TCF7L2: variants seen among roughly 807,000 people sequenced by gnomAD.
TCF7L2 encodes transcription factor 7 like 2.
TCF7L2 carries 23 observed loss-of-function variants against 77.9 expected under a neutral mutation model. That is an observed-to-expected ratio of 0.30 (90% CI 0.21 to 0.42). The LOEUF is 0.42. TCF7L2 is among the 10% of genes least tolerant of loss of function. TCF7L2 has a pLI of 1.00. For synonymous variants in TCF7L2, 413 were observed against 340.2 expected (o/e 1.21, Z -2.36); for missense variants, 654 against 793.1 (o/e 0.82, Z 2.11).
chr10:112,979,242 C>T (rs2040020758), intron 4 of TCF7L2, among the ~76,000 whole-genome samples: 1 of 152,108 alleles, frequency 6.6e-6, no homozygotes, highest in African/African-American at 2.4e-5. Flanking sequence ...GCACTCTTGC[C>T]TCAGTACCCA....
At chr10:113,018,396 C>T in intron 4 of TCF7L2, among the ~76,000 whole-genome samples, 1 of 150,566 alleles carries the variant, frequency 6.6e-6, no homozygotes, top group East Asian at 2.0e-4. Context: ...ATGAAAGGTT[C>T]CCCTCTAGCC....
chr10:113,095,720 T>C (rs1200045968), intron 5 of TCF7L2, among the ~76,000 whole-genome samples: 1 of 152,200 alleles, frequency 6.6e-6, no homozygotes, highest in Admixed American at 6.5e-5. Flanking sequence ...GCTATCCTTT[T>C]CATTTTGTAT....
chr10:113,054,800 A>C (rs906905037), intron 5 of TCF7L2, among the ~76,000 whole-genome samples: 1 of 152,120 alleles, frequency 6.6e-6, no homozygotes, highest in Non-Finnish European at 1.5e-5. Context: ...ACTTTGACAT[A>C]AGTGGCTTCA....
At chr10:113,157,869 C>A in intron 11 of TCF7L2, 152 bp from the exon 12 acceptor site, 1 of 718,552 alleles carries the variant, frequency 1.4e-6, no homozygotes, top group Non-Finnish European at 2.3e-6. Context: ...TGGCTTGAAG[C>A]GGGGTTGGAG....
At chr10:112,973,119 G>C (rs942662627) in intron 4 of TCF7L2, among the ~76,000 whole-genome samples, 20 of 152,302 alleles carry the variant, frequency 1.3e-4, no homozygotes, top group Middle Eastern at 3.4e-3. Context: ...TTCTCATTTA[G>C]GGATTAGGTC....
chr10:113,026,709 G>T (rs923641749), intron 4 of TCF7L2, among the ~76,000 whole-genome samples: 4 of 152,152 alleles, frequency 2.6e-5, no homozygotes, highest in Non-Finnish European at 5.9e-5. Flanking sequence ...TTCCACTGCT[G>T]TTGAAAACTT....
chr10:113,132,883 CG>C (rs1467866854), intron 5 of TCF7L2: 1 of 152,104 alleles, frequency 6.6e-6, no homozygotes, highest in African/African-American at 2.4e-5. Context: ...CAGAGGGCCC[CG>C]TTGTGCCTGT....
intron 4 of TCF7L2, among the ~76,000 whole-genome samples, chr10:113,029,676 G>A (rs996404178): frequency 2.6e-5 from 4 of 151,880 alleles, no homozygotes; most frequent in African/African-American, 9.7e-5. Flanking sequence ...ACAGGCATGC[G>A]CCACCACGTC....
At chr10:112,984,248 C>T (rs1181802398) in intron 4 of TCF7L2, among the ~76,000 whole-genome samples, 1 of 152,236 alleles carries the variant, frequency 6.6e-6, no homozygotes, top group African/African-American at 2.4e-5. Flanking sequence ...CACCCTTCCC[C>T]AGCCCCCTTC....
intron 5 of TCF7L2, among the ~76,000 whole-genome samples, chr10:113,111,970 C>T (rs2063185493): frequency 6.6e-6 from 1 of 152,122 alleles, no homozygotes; most frequent in Non-Finnish European, 1.5e-5. Context: ...TAGACAAAAA[C>T]AAGATGGTTT....
rs772847549 is a variant in TCF7L2, at chr10:113,040,090, C to T, written c.516C>T (p.Leu172=). The T allele has an allele frequency of 6.2e-7, 1 of 1,613,964 alleles. No homozygotes were observed. The highest frequency in any genetic ancestry group is 1.3e-5 in the African/African-American group (1 of 75,022). The change falls in exon 5 of 14, where the codon CTC becomes CTT. Residue 172 remains leucine, a synonymous_variant. Coordinates refer to ENST00000627217, the MANE Select transcript of TCF7L2 (RefSeq NM_001146274.2). ...GGAGCCTCCAGAGTAGACAAGCCCT[C>T]AAGGATGCCCGGTCCCCATCACCGG...
chr10:113,085,400 A>G (rs370975247), intron 5 of TCF7L2, among the ~76,000 whole-genome samples: 1 of 151,734 alleles, frequency 6.6e-6, no homozygotes, highest in Non-Finnish European at 1.5e-5. Flanking sequence ...CAAAATTCTC[A>G]TCTCTGGAGG....
intron 5 of TCF7L2, among the ~76,000 whole-genome samples, chr10:113,068,190 A>C (rs1229321660): frequency 6.6e-6 from 1 of 152,206 alleles, no homozygotes; most frequent in African/African-American, 2.4e-5. Flanking sequence ...CTCCTTTCAA[A>C]AAAGTGGCTA....
chr10:112,954,213 G>A (rs1257836335), intron 3 of TCF7L2, among the ~76,000 whole-genome samples: 1 of 152,168 alleles, frequency 6.6e-6, no homozygotes, highest in Non-Finnish European at 1.5e-5. Flanking sequence ...AAGGTGTAAA[G>A]ACAAATTTCG....
chr10:113,086,334 AT>A (rs1337928724), intron 5 of TCF7L2, among the ~76,000 whole-genome samples: 2 of 152,230 alleles, frequency 1.3e-5, no homozygotes, highest in East Asian at 3.9e-4. Flanking sequence ...GTCCAGAATG[AT>A]CAGGCATCAG....
chr10:113,100,388 G>A (rs887794662), intron 5 of TCF7L2, among the ~76,000 whole-genome samples: 4 of 152,218 alleles, frequency 2.6e-5, no homozygotes, highest in African/African-American at 7.2e-5. Flanking sequence ...AAGGCAGAAG[G>A]CAGAATGATC....
At chr10:113,157,559 ATAAG>A (rs1564979842) in intron 11 of TCF7L2, among the ~76,000 whole-genome samples, 1 of 152,210 alleles carries the variant, frequency 6.6e-6, no homozygotes, top group African/African-American at 2.4e-5. Context: ...TTTGGCCTTC[ATAAG>A]TAAGAACTGT....
intron 4 of TCF7L2, among the ~76,000 whole-genome samples, chr10:113,000,987 A>T (rs1256572238): frequency 6.6e-6 from 1 of 152,134 alleles, no homozygotes; most frequent in Non-Finnish European, 1.5e-5. Context: ...GGGTTTTGAC[A>T]AACATGATTA....
chr10:112,997,231 A>C (rs2133251374), intron 4 of TCF7L2, among the ~76,000 whole-genome samples: 1 of 152,358 alleles, frequency 6.6e-6, no homozygotes. Flanking sequence ...ACTTGGAGCC[A>C]ATCTCCATCT....
Sources: gnomAD v4.1 joint callset for allele counts (sites outside exome capture counted in the v4.1 genomes callset) on GRCh38, gnomAD v4.1.1 for gene constraint, MANE v1.5 for transcripts, NCBI Gene and HGNC (gene_info 2026-07-23, HGNC 2026-07-21) for gene names.